The following CDKAL1 variants were observed in gnomAD, a reference collection of about 807,000 sequenced individuals.
The protein encoded by CDKAL1 is threonylcarbamoyladenosine tRNA methylthiotransferase.
CDKAL1 carries 32 observed loss-of-function variants against 68.2 expected under a neutral mutation model. The observed-to-expected ratio is 0.47, with a 90% CI of 0.35 to 0.63. The LOEUF (loss-of-function observed/expected upper bound fraction) is 0.63, where lower values mean the gene tolerates loss of function less well. CDKAL1 is among the 30% of genes least tolerant of loss of function. CDKAL1 has a pLI of 0.00. For missense variants in CDKAL1, 606 were observed against 696.7 expected, an observed-to-expected ratio of 0.87 and a Z score of 1.47; for synonymous variants, 234 against 244.3, an observed-to-expected ratio of 0.96 and a Z score of 0.39.
At chr6:20,647,639 G>A (rs17823571) in intron 4 of CDKAL1, among the ~76,000 whole-genome samples, 5,613 of 152,280 alleles carry the variant, frequency 0.037, 114 homozygotes, top group Middle Eastern at 0.068. Context: ...AGAGTACTAG[G>A]ATCAGATTGA....
intron 10 of CDKAL1, among the ~76,000 whole-genome samples, chr6:20,957,109 T>C (rs750186379): frequency 2.0e-5 from 3 of 151,294 alleles, no homozygotes; most frequent in Non-Finnish European, 2.9e-5. Flanking sequence ...CCAGGAGATA[T>C]ACTAGACGTG....
At chr6:20,782,004 C>G (rs1775452996) in intron 8 of CDKAL1, among the ~76,000 whole-genome samples, 1 of 152,184 alleles carries the variant, frequency 6.6e-6, no homozygotes, top group South Asian at 2.1e-4. Context: ...ATCCTCCTTC[C>G]CTTTTATTTG....
chr6:21,195,569 A>G (rs980773726), intron 13 of CDKAL1, among the ~76,000 whole-genome samples: 1 of 151,590 alleles, frequency 6.6e-6, no homozygotes, highest in African/African-American at 2.4e-5. Flanking sequence ...GGAATGCAGT[A>G]GAATGATCAC....
intron 9 of CDKAL1, among the ~76,000 whole-genome samples, chr6:20,911,587 T>A (rs1381982670): frequency 2.0e-5 from 3 of 152,228 alleles, no homozygotes; most frequent in African/African-American, 7.2e-5. Context: ...ATTACAGACA[T>A]TCTTATTTAT....
chr6:21,036,907 A>C (rs533377760), intron 11 of CDKAL1, among the ~76,000 whole-genome samples: 1 of 152,310 alleles, frequency 6.6e-6, no homozygotes, highest in South Asian at 2.1e-4. Flanking sequence ...GTTGGTCCTG[A>C]TGTCTTCAAC....
At chr6:20,865,971 T>G (rs766730379) in intron 9 of CDKAL1, among the ~76,000 whole-genome samples, 2 of 152,196 alleles carry the variant, frequency 1.3e-5, no homozygotes, top group Non-Finnish European at 2.9e-5. Context: ...ACCGAGTACT[T>G]CAGAAGTGCT....
intron 11 of CDKAL1, among the ~76,000 whole-genome samples, chr6:21,023,821 CT>C (rs1321311221): frequency 2.6e-5 from 4 of 152,096 alleles, no homozygotes; most frequent in Non-Finnish European, 4.4e-5. Context: ...ATCCATTTAG[CT>C]TTTTCATGGC....
intron 8 of CDKAL1, among the ~76,000 whole-genome samples, chr6:20,781,582 A>T (rs1775433210): frequency 6.6e-6 from 1 of 152,184 alleles, no homozygotes; most frequent in Admixed American, 6.5e-5. Flanking sequence ...AATGATTAAG[A>T]CACTTGTCAT....
chr6:21,152,150 T>C (rs1395822818), intron 13 of CDKAL1, among the ~76,000 whole-genome samples: 2 of 152,244 alleles, frequency 1.3e-5, no homozygotes, highest in African/African-American at 2.4e-5. Context: ...ATCTTTTTTC[T>C]GTCTTTCGTG....
chr6:20,578,782 G>A (rs564825039), intron 4 of CDKAL1, among the ~76,000 whole-genome samples: 62 of 152,286 alleles, frequency 4.1e-4, no homozygotes, highest in African/African-American at 1.4e-3. Flanking sequence ...AGTTGACTTG[G>A]TGTTTGACAA....
At chr6:20,795,444 A>G (rs1776070221) in intron 8 of CDKAL1, among the ~76,000 whole-genome samples, 1 of 152,170 alleles carries the variant, frequency 6.6e-6, no homozygotes. Context: ...TATTAGCTGC[A>G]TACTATCCTT....
intron 9 of CDKAL1, among the ~76,000 whole-genome samples, chr6:20,931,494 A>G (rs1042655025): frequency 2.6e-5 from 4 of 152,192 alleles, no homozygotes; most frequent in African/African-American, 9.6e-5. Context: ...CTGAATAAGA[A>G]CTACTTGAAC....
At chr6:21,156,570 T>G (rs1178982980) in intron 13 of CDKAL1, among the ~76,000 whole-genome samples, 1 of 152,164 alleles carries the variant, frequency 6.6e-6, no homozygotes, top group Non-Finnish European at 1.5e-5. Flanking sequence ...TTTATTCCTT[T>G]TGTAAAGAAG....
chr6:20,966,526 C>CT (rs1765322586), intron 10 of CDKAL1, among the ~76,000 whole-genome samples: 1 of 152,124 alleles, frequency 6.6e-6, no homozygotes, highest in African/African-American at 2.4e-5. Flanking sequence ...GAAAATCAAA[C>CT]TGATTGTTTA....
chr6:21,094,982 TAAAC>T (rs1199707073), intron 12 of CDKAL1, among the ~76,000 whole-genome samples: 1 of 152,230 alleles, frequency 6.6e-6, no homozygotes, highest in Non-Finnish European at 1.5e-5. Context: ...TGTTGTGTGT[TAAAC>T]CAACTGGCTT....
intron 5 of CDKAL1, among the ~76,000 whole-genome samples, chr6:20,708,729 A>G (rs1211064872): frequency 1.3e-5 from 2 of 151,990 alleles, no homozygotes; most frequent in African/African-American, 4.8e-5. Flanking sequence ...AGTTTTTTGT[A>G]TGTGTGCATG....
At chr6:20,607,562 C>T (rs183479852) in intron 4 of CDKAL1, among the ~76,000 whole-genome samples, 1 of 151,418 alleles carries the variant, frequency 6.6e-6, no homozygotes, top group East Asian at 1.9e-4. Flanking sequence ...CCGATATTTA[C>T]CATTTTTTCT....
At chr6:20,696,694 G>A (rs1438146066) in intron 5 of CDKAL1, among the ~76,000 whole-genome samples, 1 of 152,150 alleles carries the variant, frequency 6.6e-6, no homozygotes, top group Non-Finnish European at 1.5e-5. Flanking sequence ...AAATTGGAAG[G>A]TAGTATGGTA....
chr6:21,111,206 A>G (rs566823647), intron 13 of CDKAL1, among the ~76,000 whole-genome samples: 1 of 152,184 alleles, frequency 6.6e-6, no homozygotes, highest in East Asian at 1.9e-4. Context: ...CTCTCTAGCT[A>G]TATTCATTTT....
Sources: gnomAD v4.1 joint callset for allele counts (sites outside exome capture counted in the v4.1 genomes callset) on GRCh38, gnomAD v4.1.1 for gene constraint, MANE v1.5 for transcripts, NCBI Gene and HGNC (gene_info 2026-07-23, HGNC 2026-07-21) for gene names.